PDE1C: variants seen among roughly 807,000 people sequenced by gnomAD.
PDE1C encodes the protein dual specificity calcium/calmodulin-dependent 3',5'-cyclic nucleotide phosphodiesterase 1C.
In PDE1C, 62 loss-of-function variants were observed where a neutral mutation model predicts 93.1. That is an observed-to-expected ratio of 0.67 (90% confidence interval 0.54 to 0.82). The LOEUF is 0.82. Among genes scored for constraint, PDE1C ranks in the 40% least tolerant of loss-of-function variants. PDE1C has a pLI of 0.00. For missense variants in PDE1C, 742 were observed against 884.6 expected (o/e 0.84, Z 2.04); for synonymous variants, 325 against 310.1 (o/e 1.05, Z -0.50).
Position 31,829,190 on chromosome 7 carries a change from C to T in PDE1C, c.1204-817G>A, listed in dbSNP as rs76194202. On this transcript the variant is annotated intron_variant, in intron 11 of 17. Coordinates refer to ENST00000396191, the MANE Select transcript of PDE1C (RefSeq NM_001191057.4). ...ATAGCTACTGACTTGTGCTTGAATCCCTTTCTCCTACTAGATGTGAGATAG... is the reference window on the plus strand; with the variant it reads ...ATAGCTACTGACTTGTGCTTGAATCTCTTTCTCCTACTAGATGTGAGATAG... Among the ~76,000 whole-genome samples, 141 of 152,066 alleles carry T rather than the reference C, an allele frequency of 9.3e-4. 1 individual carries two copies. The highest frequency in any genetic ancestry group is 3.1e-3 in the East Asian group (16 of 5,160).
At chr7:32,018,449 G>A (rs184902004) in intron 2 of PDE1C, among the ~76,000 whole-genome samples, 73 of 152,274 alleles carry the variant, frequency 4.8e-4, no homozygotes, top group Non-Finnish European at 8.8e-4. Flanking sequence ...AATGGGTAAA[G>A]TCTGGCAAAC....
At chr7:31,740,037 T>C in the PDE1C span, among the ~76,000 whole-genome samples, 7 of 152,350 alleles carry the variant, frequency 4.6e-5, no homozygotes, top group African/African-American at 1.7e-4. Context: ...ATCTTACCTT[T>C]TCCCACTCTA....
intron 2 of PDE1C, among the ~76,000 whole-genome samples, chr7:31,917,942 G>C (rs756466567): frequency 5.3e-5 from 8 of 152,058 alleles, no homozygotes; most frequent in Non-Finnish European, 8.8e-5. Context: ...AATAACACTA[G>C]AGTAAATAAT....
Position 32,410,123 on chromosome 7 carries a change from G to C in PDE1C, c.310+17699C>G, listed in dbSNP as rs202229612. Among the ~76,000 whole-genome samples, 251 of 152,214 alleles carry C rather than the reference G, an allele frequency of 1.6e-3. 2 individuals carry two copies. The highest frequency in any genetic ancestry group is 3.0e-3 in the Admixed American group (46 of 15,288). ...TACCAAAAAACTACTACAAACAATA[G>C]GAAAGTTCAGTAAGACACAGCAGTA... On this transcript the variant is annotated intron_variant, in intron 1 of 1. Transcript: ENST00000672256.
chr7:31,625,052 G>A, the PDE1C span, among the ~76,000 whole-genome samples: 4 of 152,166 alleles, frequency 2.6e-5, no homozygotes, highest in African/African-American at 7.2e-5. Flanking sequence ...TCAGAGAAAT[G>A]CAAATCAAAA....
At chr7:31,698,181 A>T in the PDE1C span, among the ~76,000 whole-genome samples, 1 of 152,180 alleles carries the variant, frequency 6.6e-6, no homozygotes. Flanking sequence ...ATAAAACTAT[A>T]TTTCCCCACT....
chr7:31,987,157 C>T (rs946828396), intron 2 of PDE1C, among the ~76,000 whole-genome samples: 1 of 152,048 alleles, frequency 6.6e-6, no homozygotes, highest in Non-Finnish European at 1.5e-5. Flanking sequence ...TTATTCATTG[C>T]TGTATTTGTT....
intron 2 of PDE1C, among the ~76,000 whole-genome samples, chr7:31,898,453 TTC>T (rs377049792): frequency 1.4e-3 from 216 of 152,306 alleles, no homozygotes; most frequent in African/African-American, 4.2e-3. Context: ...TTAAGAGTTT[TTC>T]TCTGATATAA....
chr7:32,070,527 C>T (rs962053781), upstream of PDE1C: 15 of 1,493,504 alleles, frequency 1.0e-5, no homozygotes, highest in South Asian at 1.3e-5. Flanking sequence ...CGCGCTCCCC[C>T]TTCTGCGCCC....
At chr7:32,209,179 C>T (rs533186535) in intron 2 of PDE1C, among the ~76,000 whole-genome samples, 33 of 152,170 alleles carry the variant, frequency 2.2e-4, no homozygotes, top group Non-Finnish European at 3.7e-4. Context: ...AAGGGGTGGT[C>T]GGGGGACTGA....
chr7:31,676,589 G>C, the PDE1C span, among the ~76,000 whole-genome samples: 4 of 152,102 alleles, frequency 2.6e-5, no homozygotes, highest in Admixed American at 6.5e-5. Flanking sequence ...ACACATATAT[G>C]TGTGTTTGTG....
intron 3 of PDE1C, among the ~76,000 whole-genome samples, chr7:32,141,985 C>G (rs757965515): frequency 4.6e-5 from 7 of 152,116 alleles, no homozygotes; most frequent in Non-Finnish European, 5.9e-5. Context: ...AAATAGCTGG[C>G]CTTTTTTTAG....
At chr7:31,888,539 C>T (rs1468670435) in intron 2 of PDE1C, among the ~76,000 whole-genome samples, 4 of 151,986 alleles carry the variant, frequency 2.6e-5, no homozygotes, top group African/African-American at 9.7e-5. Flanking sequence ...GAGACTATTA[C>T]TACAGATTCT....
intron 2 of PDE1C, among the ~76,000 whole-genome samples, chr7:32,177,305 A>G (rs1383042783): frequency 6.6e-6 from 1 of 152,192 alleles, no homozygotes; most frequent in Non-Finnish European, 1.5e-5. Flanking sequence ...GGGAGTAACA[A>G]GGGAAAACCA....
At chr7:31,657,835 G>A in the PDE1C span, among the ~76,000 whole-genome samples, 1 of 151,930 alleles carries the variant, frequency 6.6e-6, no homozygotes, top group Admixed American at 6.6e-5. Context: ...CAAGTTTAGA[G>A]TCGTCTCATT....
At chr7:31,729,529 G>A in the PDE1C span, among the ~76,000 whole-genome samples, 1 of 152,160 alleles carries the variant, frequency 6.6e-6, no homozygotes, top group Non-Finnish European at 1.5e-5. Context: ...TTTAACTTCA[G>A]CATTACCTGC....
exon 1 of PDE1C, chr7:32,299,099 C>G: frequency 9.5e-7 from 1 of 1,053,362 alleles, no homozygotes; most frequent in Non-Finnish European, 1.1e-6. Flanking sequence ...CTCTGTCAGC[C>G]GCGGATCCCG....
chr7:31,631,126 C>G, the PDE1C span, among the ~76,000 whole-genome samples: 1 of 152,092 alleles, frequency 6.6e-6, no homozygotes, highest in Non-Finnish European at 1.5e-5. Context: ...TATGGCTAAG[C>G]TCTTTTAACA....
chr7:31,859,486 T>C (rs866461822), intron 7 of PDE1C, among the ~76,000 whole-genome samples: 1 of 150,532 alleles, frequency 6.6e-6, no homozygotes, highest in Non-Finnish European at 1.5e-5. Flanking sequence ...ATAGGATATA[T>C]GATATAATAT....
Sources: gnomAD v4.1 joint callset for allele counts (sites outside exome capture counted in the v4.1 genomes callset) on GRCh38, gnomAD v4.1.1 for gene constraint, MANE v1.5 for transcripts, NCBI Gene and HGNC (gene_info 2026-07-23, HGNC 2026-07-21) for gene names.